Variants in RAB3GAP1 observed in about 807,000 individuals in gnomAD.
RAB3GAP1 encodes RAB3 GTPase activating protein catalytic subunit 1.
RAB3GAP1 carries 86 observed loss-of-function variants against 130.7 expected under a neutral mutation model. The observed-to-expected ratio is 0.66, with a 90% CI of 0.55 to 0.79. The LOEUF is 0.79. Among genes scored for constraint, RAB3GAP1 ranks in the 30% least tolerant of loss-of-function variants. The probability of loss-of-function intolerance (pLI) is 0.00; values close to 1 mark genes in which losing one functional copy is unlikely to be tolerated. For synonymous variants in RAB3GAP1, 367 were observed against 401.7 expected (o/e 0.91, Z 1.03); for missense variants, 1,029 against 1,169.4 (o/e 0.88, Z 1.75).
chr2:135,053,856 T>C (rs1230024868), intron 2 of RAB3GAP1, among the ~76,000 whole-genome samples: 2 of 152,112 alleles, frequency 1.3e-5, no homozygotes, highest in Non-Finnish European at 1.5e-5. Context: ...AGGGGTGATA[T>C]TGTGGACTAC....
intron 5 of RAB3GAP1, among the ~76,000 whole-genome samples, chr2:135,099,990 A>C (rs948495030): frequency 6.6e-6 from 1 of 152,116 alleles, no homozygotes; most frequent in African/African-American, 2.4e-5. Flanking sequence ...ACAGTTATGG[A>C]TGATGATATC....
chr2:135,135,885 C>T lies in RAB3GAP1; in HGVS notation c.1876C>T (p.Leu626Phe). Residue 626 changes from leucine (L) to phenylalanine (F), a missense_variant, in exon 17 of 24, where the codon CTT becomes TTT. This residue lies in a region of RAB3GAP1 where 373 missense variants were observed against 493.6 expected (regional missense o/e 0.76). Transcript: ENST00000264158. ...AGGACGGCTCTATCAGCATGGGAAACTTACACTGCTGCATAATGGAGAACC... is the reference window on the plus strand; with the variant it reads ...AGGACGGCTCTATCAGCATGGGAAATTTACACTGCTGCATAATGGAGAACC... The part of the protein sequence containing the change: ...PEGRLYQHGK[L>F]TLLHNGEPLY... The T allele has an allele frequency of 6.2e-7, 1 of 1,614,072 alleles. No individual in the cohort carries two copies. The highest frequency in any genetic ancestry group is 8.5e-7 in the Non-Finnish European group (1 of 1,179,898).
intron 19 of RAB3GAP1, among the ~76,000 whole-genome samples, chr2:135,158,847 C>T (rs1026395897): frequency 6.6e-6 from 1 of 152,122 alleles, no homozygotes; most frequent in African/African-American, 2.4e-5. Context: ...CTGATGGACC[C>T]AACACCACTT....
Position 135,130,543 on chromosome 2 carries a change from T to G in RAB3GAP1, c.1067-9T>G. 1 of 1,608,970 alleles carries G rather than the reference T, an allele frequency of 6.2e-7. No individual in the cohort carries two copies. Among genetic ancestry groups the G allele is most frequent in the Non-Finnish European group, 8.5e-7 (1 of 1,176,200 alleles). The stretch of plus-strand genomic sequence containing the variant: ...ATATAATTTATATTTATTTCTGTTC[T>G]TTTTATAGAAACTGCTGATATAACT... On this transcript the variant is annotated splice_polypyrimidine_tract_variant and intron_variant, in intron 12 of 23. Transcript: ENST00000264158.
At position 135,169,812 on chromosome 2, in the gene RAB3GAP1, A is replaced by G; in HGVS notation, c.*1031A>G. The G allele has an allele frequency of 2.2e-6, 1 of 454,980 alleles. No homozygotes were observed. The highest frequency in any genetic ancestry group is 2.4e-5 in the Admixed American group (1 of 42,444). The allele number at this position is 454,980 out of a possible 1,614,324, so 28.2% of individuals were successfully genotyped here. On this transcript the variant is annotated 3_prime_UTR_variant, in exon 24 of 24. Coordinates refer to ENST00000264158, the MANE Select transcript of RAB3GAP1 (RefSeq NM_012233.3). ...CATTTCTAGTTTCATGGAGCTCAAGATGTCTTGTGTCTGTGTGGCTAGATG... is the reference window on the plus strand; with the variant it reads ...CATTTCTAGTTTCATGGAGCTCAAGGTGTCTTGTGTCTGTGTGGCTAGATG...
chr2:135,117,103 T>G (rs758677263), intron 7 of RAB3GAP1, among the ~76,000 whole-genome samples: 2 of 152,124 alleles, frequency 1.3e-5, no homozygotes, highest in Admixed American at 6.6e-5. Context: ...CTTTTACCTC[T>G]CTGCCTGTCT....
intron 6 of RAB3GAP1, among the ~76,000 whole-genome samples, chr2:135,114,982 AAC>A (rs1279091824): frequency 6.6e-6 from 1 of 152,230 alleles, no homozygotes; most frequent in Non-Finnish European, 1.5e-5. Flanking sequence ...GCTGTTCTAA[AAC>A]AATTTTCAGA....
At chr2:135,165,352 A>C (rs958163484) in intron 23 of RAB3GAP1, among the ~76,000 whole-genome samples, 1 of 152,216 alleles carries the variant, frequency 6.6e-6, no homozygotes, top group African/African-American at 2.4e-5. Context: ...GGGCTCATTA[A>C]TATTAGGGAT....
At chr2:135,147,615 TC>T (rs1553448280) in intron 17 of RAB3GAP1, among the ~76,000 whole-genome samples, 55 of 133,054 alleles carry the variant, frequency 4.1e-4, no homozygotes, top group Admixed American at 2.4e-3. Flanking sequence ...AGTAGTCCCC[TC>T]CCCCCCCCTT....
chr2:135,172,091 C>T (rs1002666105), downstream of RAB3GAP1, among the ~76,000 whole-genome samples: 1 of 152,046 alleles, frequency 6.6e-6, no homozygotes, highest in African/African-American at 2.4e-5. Context: ...AGAAGGGAAG[C>T]CATTGGAGAG....
chr2:135,144,607 A>G (rs1691943978), intron 17 of RAB3GAP1, among the ~76,000 whole-genome samples: 1 of 152,222 alleles, frequency 6.6e-6, no homozygotes, highest in Non-Finnish European at 1.5e-5. Flanking sequence ...GCTTTCAACT[A>G]TCTTTGTTTG....
chr2:135,131,430 C>T (rs1313627829), intron 13 of RAB3GAP1, among the ~76,000 whole-genome samples: 2 of 152,034 alleles, frequency 1.3e-5, no homozygotes, highest in Admixed American at 6.6e-5. Flanking sequence ...TAGGGTTTCA[C>T]CGTGTTAGCC....
intron 3 of RAB3GAP1, among the ~76,000 whole-genome samples, chr2:135,088,483 G>A (rs1690048540): frequency 1.3e-5 from 2 of 152,076 alleles, no homozygotes; most frequent in South Asian, 2.1e-4. Context: ...GAGGTCAGGA[G>A]TTCAAGACCA....
In RAB3GAP1 at chr2:135,093,598, A is replaced by G; in HGVS notation, c.284-17A>G. On this transcript the variant is annotated splice_polypyrimidine_tract_variant and intron_variant, in intron 4 of 23. Coordinates refer to ENST00000264158, the MANE Select transcript of RAB3GAP1 (RefSeq NM_012233.3). ...TCATGAACATACTAACTTTTTCATT[A>G]TCAAATGTTTTTGTAGATGTTGTTC... is the stretch of plus-strand genomic sequence containing the variant. 1 of 1,598,624 alleles carries G rather than the reference A, an allele frequency of 6.3e-7. No individual in the cohort carries two copies. The highest frequency in any genetic ancestry group is 8.6e-7 in the Non-Finnish European group (1 of 1,165,850).
intron 3 of RAB3GAP1, among the ~76,000 whole-genome samples, chr2:135,066,912 G>C (rs1217549208): frequency 6.6e-6 from 1 of 152,146 alleles, no homozygotes; most frequent in Non-Finnish European, 1.5e-5. Flanking sequence ...AAAATTCATG[G>C]AAGAAGAATT....
chr2:135,143,518 A>G (rs1337323112), intron 17 of RAB3GAP1, among the ~76,000 whole-genome samples: 1 of 151,120 alleles, frequency 6.6e-6, no homozygotes, highest in African/African-American at 2.4e-5. Context: ...TTAGCAGCAT[A>G]GGTAATTGAT....
At chr2:135,112,824 TCTCTCTCTCTCACACACA>T (rs1402000367) in intron 5 of RAB3GAP1, among the ~76,000 whole-genome samples, 5 of 136,944 alleles carry the variant, frequency 3.7e-5, no homozygotes, top group African/African-American at 9.6e-5. Flanking sequence ...AGTCTCTCTC[TCTCTCTCTCTCACACACA>T]CACACACACA....
chr2:135,072,804 A>G (rs1689516061), intron 3 of RAB3GAP1, among the ~76,000 whole-genome samples: 1 of 152,146 alleles, frequency 6.6e-6, no homozygotes, highest in South Asian at 2.1e-4. Context: ...TTAGGCAGAA[A>G]TTATTTTTCT....
rs1183574966 is a variant in RAB3GAP1 at position 135,120,843 on chromosome 2, C to G, written c.673C>G (p.Pro225Ala). ...KIGCPLTPLP[P>A]VSIAIRFTYV... ...GGGATGTCCTTTAACTCCATTGCCTCCAGTTAGTATTGCTATTCGATTTAC... is the reference window on the plus strand; with the variant it reads ...GGGATGTCCTTTAACTCCATTGCCTGCAGTTAGTATTGCTATTCGATTTAC... Residue 225 changes from proline (P) to alanine (A), a missense_variant, in exon 8 of 24, where the codon CCA becomes GCA. Pro to Ala is a conservative substitution (Grantham distance 27). Coordinates refer to ENST00000264158, the MANE Select transcript of RAB3GAP1 (RefSeq NM_012233.3). 6.2e-7 allele frequency: 1 copy of G among 1,612,556 alleles called. No individual in the cohort carries two copies. The highest frequency in any genetic ancestry group is 8.5e-7 in the Non-Finnish European group (1 of 1,178,650).
Sources: allele counts gnomAD v4.1 joint callset (sites outside exome capture counted in the v4.1 genomes callset), GRCh38; gene constraint gnomAD v4.1.1; regional missense constraint gnomAD v4.1.1; transcripts MANE v1.5; gene names NCBI Gene and HGNC (gene_info 2026-07-23, HGNC 2026-07-21).